The following FMR1NB variants were observed in gnomAD, a reference collection of about 807,000 sequenced individuals.
FMR1NB encodes the protein FMR1 neighbor protein.
A neutral mutation model predicts 16.8 loss-of-function variants in FMR1NB; 10 were observed. The ratio of observed to expected loss-of-function variants is 0.60; its 90% CI spans 0.37 to 1.01. FMR1NB has a LOEUF of 1.01. Ranked by LOEUF, FMR1NB falls within the 50% of genes least tolerant of loss-of-function variation. The pLI, the probability that FMR1NB is intolerant of heterozygous loss-of-function variation, is 0.01. For synonymous variants in FMR1NB, 83 were observed against 79.1 expected (o/e 1.05, Z -0.26); for missense variants, 205 against 204.8 (o/e 1.00, Z 0.00).
At chrX:148,006,597 C>T (rs1045633000) in intron 2 of FMR1NB, 105 bp from the exon 3 acceptor site, 11 of 858,841 alleles carry the variant, frequency 1.3e-5, no homozygotes, top group Non-Finnish European at 1.8e-5. Flanking sequence ...CTGTATATGC[C>T]ATTAAATGTT....
rs782284194 is a variant in FMR1NB, at chrX:147,981,630, T to A, written c.228T>A (p.Ile76=). 10 of 1,206,423 alleles carry A rather than the reference T, an allele frequency of 8.3e-6. No homozygotes were observed. Among genetic ancestry groups the A allele is most frequent in the Admixed American group, 2.2e-5 (1 of 45,455 alleles). Residue 76 remains isoleucine, a synonymous_variant, in exon 1 of 6, where the codon ATT becomes ATA. Transcript: ENST00000370467. ...SKPFGMLMLS[I]WILLFVCYYL... is the part of the protein sequence containing the mutation. ...CCTTTGGGATGCTCATGCTCTCCAT[T>A]TGGATCCTGCTGTTCGTGTGCTACT...
intron 4 of FMR1NB, among the ~76,000 whole-genome samples, chrX:148,014,822 T>C (rs1804977619): frequency 9.0e-6 from 1 of 111,180 alleles, no homozygotes; most frequent in African/African-American, 3.3e-5. Flanking sequence ...TTTTTGTATA[T>C]TTGGTAGAAA....
chrX:147,981,385 G>A lies in FMR1NB; in HGVS notation c.-18G>A, dbSNP rs368451527. Reference sequence around the variant, plus strand: ...TTGGGCTGTGAGGCAGCGTCTCAGCGAGGCGGCACCCGGAGCCATGTCTTC... The same window carrying A: ...TTGGGCTGTGAGGCAGCGTCTCAGCAAGGCGGCACCCGGAGCCATGTCTTC... On this transcript the variant is annotated 5_prime_UTR_variant, in exon 1 of 6. Coordinates refer to ENST00000370467, the MANE Select transcript of FMR1NB (RefSeq NM_152578.3). 1.0e-5 allele frequency: 12 copies of A among 1,198,404 alleles called. No homozygotes were observed. Among genetic ancestry groups the A allele is most frequent in the Middle Eastern group, 2.4e-4 (1 of 4,146 alleles).
chrX:147,987,810 G>A (rs1459759800), intron 1 of FMR1NB, among the ~76,000 whole-genome samples: 1 of 109,073 alleles, frequency 9.2e-6, no homozygotes, highest in Non-Finnish European at 1.9e-5. Context: ...TGTCTTTTTT[G>A]ATTTAAATTT....
At chrX:148,026,402 T>A (rs2124631194) in intron 5 of FMR1NB, 100 bp from the exon 6 acceptor site, 1 of 111,575 alleles carries the variant, frequency 9.0e-6, no homozygotes, top group East Asian at 2.8e-4. Flanking sequence ...CTATATAGAA[T>A]TTGATAATTT....
intron 4 of FMR1NB, among the ~76,000 whole-genome samples, chrX:148,012,705 G>A (rs2044631133): frequency 9.0e-6 from 1 of 111,110 alleles, no homozygotes; most frequent in Admixed American, 9.6e-5. Context: ...TTATAATCTG[G>A]TTTTCATTAT....
At chrX:147,992,553 G>C (rs1441454294) in intron 1 of FMR1NB, among the ~76,000 whole-genome samples, 1 of 11,794 alleles carries the variant, frequency 8.5e-5, no homozygotes, top group Non-Finnish European at 1.3e-4. Flanking sequence ...GGTGGCTGCC[G>C]GGCGGAGACG....
intron 4 of FMR1NB, among the ~76,000 whole-genome samples, chrX:148,014,581 T>C (rs1466218594): frequency 1.8e-5 from 2 of 110,252 alleles, no homozygotes; most frequent in Non-Finnish European, 3.8e-5. Context: ...AAGTAGAAAA[T>C]CATTGTCCGT....
At chrX:147,985,721 A>G (rs1557187014) in intron 1 of FMR1NB, among the ~76,000 whole-genome samples, 1 of 111,898 alleles carries the variant, frequency 8.9e-6, no homozygotes. Context: ...TCTATCATTG[A>G]TGGGCATTTG....
chrX:148,013,529 A>G (rs183134292), intron 4 of FMR1NB, among the ~76,000 whole-genome samples: 1 of 112,285 alleles, frequency 8.9e-6, no homozygotes, highest in African/African-American at 3.2e-5. Context: ...AACATTCTAA[A>G]AGATCTGCGT....
chrX:148,026,335 G>A (rs1395130011), intron 5 of FMR1NB, among the ~76,000 whole-genome samples, 167 bp from the exon 6 acceptor site: 3 of 111,718 alleles, frequency 2.7e-5, no homozygotes, highest in African/African-American at 9.7e-5. Flanking sequence ...ATGCCTCACA[G>A]TAACAGAAGA....
intron 4 of FMR1NB, among the ~76,000 whole-genome samples, chrX:148,010,378 G>A (rs2044617689): frequency 8.9e-6 from 1 of 111,977 alleles, no homozygotes; most frequent in Non-Finnish European, 1.9e-5. Flanking sequence ...ATGATTGAGA[G>A]TGGATGGGCA....
intron 1 of FMR1NB, among the ~76,000 whole-genome samples, chrX:147,988,250 T>C (rs782721269): frequency 2.3e-4 from 26 of 111,782 alleles, no homozygotes; most frequent in South Asian, 1.5e-3. Flanking sequence ...AAGGATTTTA[T>C]TTCTCCTTCG....
At chrX:147,992,260 C>T (rs182495994) in intron 1 of FMR1NB, among the ~76,000 whole-genome samples, 11,385 of 91,398 alleles carry the variant, frequency 0.12, 645 homozygotes, top group Non-Finnish European at 0.16. Flanking sequence ...CCTCACCTCC[C>T]GGACGGGGCG....
intron 1 of FMR1NB, among the ~76,000 whole-genome samples, chrX:147,987,150 G>C (rs921337273): frequency 1.5e-4 from 17 of 111,589 alleles, no homozygotes; most frequent in African/African-American, 4.9e-4. Flanking sequence ...AGGAATGCTT[G>C]TTATTTTTGC....
Position 148,019,715 on chromosome X carries a change from C to T in FMR1NB, c.633-5150C>T, listed in dbSNP as rs782775935. 7.1e-5 allele frequency among the ~76,000 whole-genome samples: 8 copies of T among 112,201 alleles called. No homozygotes were observed. In the East Asian group the frequency reaches 1.4e-3, roughly 20 times the overall value. ...CCAGAATAATTCTCTGGATTACCAT[C>T]AGAGGCTCTTGTTCTCTTCCTTTCC... On this transcript the variant is annotated intron_variant, in intron 4 of 5. Coordinates refer to ENST00000370467, the MANE Select transcript of FMR1NB (RefSeq NM_152578.3).
rs181636753 is a variant in FMR1NB at position 148,005,711 on chromosome X, T to A, written c.398-991T>A. ...TAGTAATAAAGTGTGTAAAGCAAGG[T>A]TCCTGGCCCAAACAGGTGCCTAAAT... On this transcript the variant is annotated intron_variant, in intron 2 of 5. Transcript: ENST00000370467. Among the ~76,000 whole-genome samples the A allele has an allele frequency of 2.4e-3, 266 of 111,865 alleles. 2 individuals are homozygous for A. The highest frequency in any genetic ancestry group is 4.2e-3 in the Admixed American group (44 of 10,493).
intron 4 of FMR1NB, 141 bp from the exon 5 acceptor site, chrX:148,024,724 G>A: frequency 2.8e-6 from 2 of 715,523 alleles, no homozygotes; most frequent in Admixed American, 6.2e-5. Flanking sequence ...ATTTCTATCG[G>A]ATTTATTAAA....
intron 4 of FMR1NB, among the ~76,000 whole-genome samples, chrX:148,011,765 A>T (rs2044626559): frequency 9.0e-6 from 1 of 110,720 alleles, no homozygotes; most frequent in South Asian, 3.8e-4. Context: ...CACTATAGAC[A>T]CCTTAATTTA....
Sources: gnomAD v4.1 joint callset for allele counts (sites outside exome capture counted in the v4.1 genomes callset) on GRCh38, gnomAD v4.1.1 for gene constraint, MANE v1.5 for transcripts, NCBI Gene and HGNC (gene_info 2026-07-23, HGNC 2026-07-21) for gene names.